AKAP11: variants seen among roughly 807,000 people sequenced by gnomAD.
The protein encoded by AKAP11 is A-kinase anchoring protein 11, also known as A-kinase anchor protein 11.
Under a neutral mutation model 146.1 loss-of-function variants are expected in AKAP11, and 36 were observed. The ratio of observed to expected loss-of-function variants is 0.25; its 90% CI spans 0.19 to 0.33. AKAP11 has a LOEUF of 0.33. Among genes scored for constraint, AKAP11 ranks in the 10% least tolerant of loss-of-function variants. The pLI, the probability that AKAP11 is intolerant of heterozygous loss-of-function variation, is 1.00. For synonymous variants in AKAP11, 780 were observed against 786.5 expected, an observed-to-expected ratio of 0.99 and a Z score of 0.14; for missense variants, 2,201 against 2,197.0, an observed-to-expected ratio of 1.00 and a Z score of -0.04.
rs766993879 is a variant in AKAP11 at position 42,300,604 on chromosome 13, G to T, written c.1858G>T (p.Val620Leu). The T allele has an allele frequency of 1.2e-6, 2 of 1,613,986 alleles. No homozygotes were observed. Among genetic ancestry groups the T allele is most frequent in the Admixed American group, 3.3e-5 (2 of 59,998 alleles). The change falls in exon 8 of 13, where the codon GTG becomes TTG. Residue 620 changes from valine to leucine, a missense_variant. This residue lies in a region of AKAP11 where 1,867 missense variants were observed against 1,833.5 expected (regional missense o/e 1.02). Coordinates refer to ENST00000025301, the MANE Select transcript of AKAP11 (RefSeq NM_016248.4). ...CATTAGTGGCCTGGCTAACTTTTTG[G>T]TGAGTGAAGCTTTATCAAATGCCTT... ...RAISGLANFL[V>L]SEALSNALKD...
chr13:42,296,243 G>T (rs535614134), intron 5 of AKAP11, among the ~76,000 whole-genome samples: 235 of 152,208 alleles, frequency 1.5e-3, no homozygotes, highest in African/African-American at 5.4e-3. Context: ...ACATTTTTAG[G>T]TCTTTCTGAA....
At position 42,303,209 on chromosome 13, in the gene AKAP11, G is replaced by T; in HGVS notation, c.4463G>T (p.Cys1488Phe). 6.2e-7 allele frequency: 1 copy of T among 1,614,102 alleles called. No individual in the cohort carries two copies. The highest frequency in any genetic ancestry group is 8.5e-7 in the Non-Finnish European group (1 of 1,180,018). ...VGLPKSLTDS[C>F]LFEKSGYEED... ...CTACCAAAATCCTTAACAGATTCTT[G>T]CTTGTTTGAAAAATCTGGATATGAA... The change falls in exon 8 of 13, where the codon TGC becomes TTC. Residue 1488 changes from cysteine (C) to phenylalanine (F), a missense_variant. Around this residue, in one of 3 missense-constraint regions of AKAP11, gnomAD observed 1,867 missense variants for 1,833.5 expected, o/e 1.02. Transcript: ENST00000025301.
In AKAP11 at chr13:42,319,418, A is replaced by G. The variant is rs957192538; in HGVS notation, c.*190A>G. 1.5e-6 allele frequency: 1 copy of G among 676,558 alleles called. No homozygotes were observed. Among genetic ancestry groups the G allele is most frequent in the South Asian group, 2.2e-5 (1 of 44,636 alleles). 41.9% of individuals were successfully genotyped at this position (676,558 alleles called of 1,614,324 possible). ...AGTTCATACTTTTGTAATCTGTCAAAATACTACCTTCATTTATTCTTCTAT... is the reference window on the plus strand; with the variant it reads ...AGTTCATACTTTTGTAATCTGTCAAGATACTACCTTCATTTATTCTTCTAT... On this transcript the variant is annotated 3_prime_UTR_variant, in exon 13 of 13. Transcript: ENST00000025301.
rs370819651 is a variant in AKAP11, at chr13:42,276,564, T to G, written c.-100+4336T>G. ...ACCTAGCCTCTTGGATATTCCTATGTTGATATAAAATACTGTCTTCCAGTT... is the reference window on the plus strand; with the variant it reads ...ACCTAGCCTCTTGGATATTCCTATGGTGATATAAAATACTGTCTTCCAGTT... On this transcript the variant is annotated intron_variant, in intron 1 of 12. Transcript: ENST00000025301. Among the ~76,000 whole-genome samples the G allele has an allele frequency of 1.8e-4, 28 of 152,338 alleles. No homozygotes were observed. The South Asian group carries it at 4.8e-3, about 26-fold the overall frequency.
At chr13:42,315,236 G>T (rs1960763734) in intron 11 of AKAP11, among the ~76,000 whole-genome samples, 2 of 152,094 alleles carry the variant, frequency 1.3e-5, no homozygotes, top group Non-Finnish European at 2.9e-5. Flanking sequence ...GTAATCTTCA[G>T]ACTTAAGATT....
In AKAP11 at chr13:42,302,701, ATTC is replaced by A. The variant is rs770657414; in HGVS notation, c.3958_3960del (p.Leu1320del). The A allele has an allele frequency of 6.2e-7, 1 of 1,614,142 alleles. No homozygotes were observed. The highest frequency in any genetic ancestry group is 8.5e-7 in the Non-Finnish European group (1 of 1,180,020). On this transcript the variant is annotated inframe_deletion, in exon 8 of 13. Transcript: ENST00000025301. ...GCACCCAAGAGAAGTGGATCCGTTT[ATTC>A]TTTCATTACCACCAAGTTCTTGTAT...
chr13:42,320,302 TG>T lies in AKAP11; in HGVS notation c.*1077del, dbSNP rs1961030653. On this transcript the variant is annotated 3_prime_UTR_variant, in exon 13 of 13. Coordinates refer to ENST00000025301, the MANE Select transcript of AKAP11 (RefSeq NM_016248.4). ...GTTTGTTTGTTTGTTTTAGAAAAAT[TG>T]GGATTTCCCCCCACCCCGCCCCACC... is the stretch of plus-strand genomic sequence containing the variant. The T allele has an allele frequency of 6.6e-6, 1 of 151,852 alleles. No individual in the cohort carries two copies. Among genetic ancestry groups the T allele is most frequent in the Admixed American group, 6.6e-5 (1 of 15,184 alleles). The allele number at this position is 151,852 out of a possible 1,614,324, so 9.4% of individuals were successfully genotyped here.
At chr13:42,273,508 A>G (rs1261389604) in intron 1 of AKAP11, among the ~76,000 whole-genome samples, 1 of 152,204 alleles carries the variant, frequency 6.6e-6, no homozygotes, top group Non-Finnish European at 1.5e-5. Flanking sequence ...TGAAAGGTCA[A>G]AGAATGTAAG....
At chr13:42,286,091 A>G in intron 2 of AKAP11, 56 bp downstream of exon 2, 2 of 246,304 alleles carry the variant, frequency 8.1e-6, no homozygotes, top group Non-Finnish European at 1.5e-5. Flanking sequence ...TTTTATAATA[A>G]TTTTCTATCT....
At chr13:42,307,953 A>G (rs1263567097) in intron 8 of AKAP11, among the ~76,000 whole-genome samples, 1 of 152,248 alleles carries the variant, frequency 6.6e-6, no homozygotes, top group Admixed American at 6.5e-5. Context: ...CTTATTGAGA[A>G]AAATGAAAGG....
rs566760056 is a variant in AKAP11 at position 42,301,551 on chromosome 13, G to A, written c.2805G>A (p.Lys935=). ...VLQCSEASSN[K]DMFADRLSKS... ...AATGCAGTGAAGCTAGTAGCAATAA[G>A]GACATGTTTGCTGACCGGTTATCTA... The change falls in exon 8 of 13, where the codon AAG becomes AAA. Residue 935 remains lysine, a synonymous_variant. Coordinates refer to ENST00000025301, the MANE Select transcript of AKAP11 (RefSeq NM_016248.4). 2 of 1,614,076 alleles carry A rather than the reference G, an allele frequency of 1.2e-6. No individual in the cohort carries two copies. The highest frequency in any genetic ancestry group is 3.3e-5 in the Admixed American group (2 of 60,012).
chr13:42,294,505 T>A (rs1227591070), intron 4 of AKAP11, among the ~76,000 whole-genome samples: 2 of 151,960 alleles, frequency 1.3e-5, no homozygotes. Context: ...AGGGTTCAAG[T>A]GATTCTCCTG....
chr13:42,278,975 A>G (rs775440807), intron 1 of AKAP11, among the ~76,000 whole-genome samples: 4 of 147,406 alleles, frequency 2.7e-5, no homozygotes, highest in Non-Finnish European at 6.0e-5. Flanking sequence ...ATAGTGCTCC[A>G]TTGTCTTGTT....
chr13:42,303,200 C>T lies in AKAP11; in HGVS notation c.4454C>T (p.Thr1485Ile). Reference protein sequence around the residue: ...ASLVGLPKSLTDSCLFEKSGY... With the variant: ...ASLVGLPKSLIDSCLFEKSGY... ...CTAGTTGGCCTACCAAAATCCTTAA[C>T]AGATTCTTGCTTGTTTGAAAAATCT... Residue 1485 changes from threonine (T) to isoleucine (I), a missense_variant, in exon 8 of 13, where the codon ACA becomes ATA. Physicochemically the swap from Thr to Ile is moderately conservative, Grantham distance 89 (BLOSUM62 -1). Around this residue, in one of 3 missense-constraint regions of AKAP11, gnomAD observed 1,867 missense variants for 1,833.5 expected, o/e 1.02. Coordinates refer to ENST00000025301, the MANE Select transcript of AKAP11 (RefSeq NM_016248.4). 1 of 1,614,134 alleles carries T rather than the reference C, an allele frequency of 6.2e-7. No individual in the cohort carries two copies. The highest frequency in any genetic ancestry group is 1.1e-5 in the South Asian group (1 of 91,080).
At position 42,300,925 on chromosome 13, in the gene AKAP11, T is replaced by A; in HGVS notation, c.2179T>A (p.Tyr727Asn). 1 of 1,614,150 alleles carries A rather than the reference T, an allele frequency of 6.2e-7. No individual in the cohort carries two copies. The highest frequency in any genetic ancestry group is 1.3e-5 in the African/African-American group (1 of 75,054). The change falls in exon 8 of 13, where the codon TAT becomes AAT. Residue 727 changes from tyrosine (Y) to asparagine (N), a missense_variant. By Grantham distance (143) the Tyr-to-Asn change is moderately radical (BLOSUM62 -2). This residue lies in a region of AKAP11 where 1,867 missense variants were observed against 1,833.5 expected (regional missense o/e 1.02). Transcript: ENST00000025301. ...AVSVSTDNIK[Y>N]VSAESVVPST... ...TAGTGTCTCTACGGATAATATCAAGTATGTGAGTGCAGAAAGTGTAGTGCC... is the reference window on the plus strand; with the variant it reads ...TAGTGTCTCTACGGATAATATCAAGAATGTGAGTGCAGAAAGTGTAGTGCC...
Position 42,302,347 on chromosome 13 carries a change from G to A in AKAP11, c.3601G>A (p.Ala1201Thr). Residue 1201 changes from alanine to threonine, a missense_variant, in exon 8 of 13, where the codon GCA (alanine) becomes ACA (threonine). Coordinates refer to ENST00000025301, the MANE Select transcript of AKAP11 (RefSeq NM_016248.4). ...AGGGAAGAAGGTTCAGTTTGCAGAA[G>A]CATTAGCTACACACATCCTTTCTCT... is the stretch of plus-strand genomic sequence containing the variant. ...HSGKKVQFAE[A>T]LATHILSLAT... The A allele has an allele frequency of 1.2e-6, 2 of 1,614,164 alleles. No homozygotes were observed. The highest frequency in any genetic ancestry group is 1.1e-5 in the South Asian group (1 of 91,078).
At chr13:42,317,044 G>C (rs1294435197) in intron 11 of AKAP11, among the ~76,000 whole-genome samples, 1 of 152,032 alleles carries the variant, frequency 6.6e-6, no homozygotes, top group East Asian at 1.9e-4. Flanking sequence ...CGCCTGGCCG[G>C]ATTTTGTATT....
chr13:42,279,932 C>T (rs769668558), intron 1 of AKAP11, among the ~76,000 whole-genome samples: 1 of 152,168 alleles, frequency 6.6e-6, no homozygotes, highest in Non-Finnish European at 1.5e-5. Context: ...ATTATTGTCT[C>T]TACTAAGGCT....
At chr13:42,316,696 T>C (rs1400833319) in intron 11 of AKAP11, among the ~76,000 whole-genome samples, 1 of 152,176 alleles carries the variant, frequency 6.6e-6, no homozygotes, top group Non-Finnish European at 1.5e-5. Flanking sequence ...ACTGGAAGAC[T>C]CTGGGGCTCT....
Sources: gnomAD v4.1 joint callset for allele counts (sites outside exome capture counted in the v4.1 genomes callset) on GRCh38, gnomAD v4.1.1 for gene constraint, gnomAD v4.1.1 regional missense constraint, MANE v1.5 for transcripts, NCBI Gene and HGNC (gene_info 2026-07-23, HGNC 2026-07-21) for gene names.